Variants in FBL observed in about 807,000 individuals in gnomAD.
The protein encoded by FBL is fibrillarin rRNA 2'-O-methyltransferase, also known as rRNA 2'-O-methyltransferase fibrillarin.
A neutral mutation model predicts 42.2 loss-of-function variants in FBL; 10 were observed. That is an observed-to-expected ratio of 0.24 (90% confidence interval 0.15 to 0.40). The LOEUF is 0.40. Ranked by LOEUF, FBL falls within the 10% of genes least tolerant of loss-of-function variation. FBL has a pLI of 1.00. For missense variants in FBL, 351 were observed against 439.2 expected, an observed-to-expected ratio of 0.80 and a Z score of 1.79; for synonymous variants, 165 against 165.4, an observed-to-expected ratio of 1.00 and a Z score of 0.02.
intron 1 of FBL, among the ~76,000 whole-genome samples, chr19:39,841,002 A>G (rs768309640): frequency 2.0e-5 from 3 of 152,222 alleles, no homozygotes; most frequent in Non-Finnish European, 4.4e-5. Flanking sequence ...ATTCACAATC[A>G]AGATCATGAA....
chr19:39,837,979 C>G, intron 5 of FBL, 136 bp from the exon 6 acceptor site: 1 of 631,454 alleles, frequency 1.6e-6, no homozygotes, highest in Non-Finnish European at 2.6e-6. Flanking sequence ...CTATTGCTAT[C>G]ATGTCCATTT....
chr19:39,844,838 G>A (rs1379238689), intron 1 of FBL, among the ~76,000 whole-genome samples: 3 of 152,096 alleles, frequency 2.0e-5, no homozygotes, highest in African/African-American at 7.2e-5. Context: ...TCTCCCAAAG[G>A]GTTCTTTTCT....
chr19:39,846,367 G>C lies in FBL; in HGVS notation c.-67C>G, dbSNP rs1044754917. 1.9e-6 allele frequency: 3 copies of C among 1,598,314 alleles called. No individual in the cohort carries two copies. Among genetic ancestry groups the C allele is most frequent in the African/African-American group, 2.7e-5 (2 of 74,308 alleles). Reference sequence around the variant, plus strand: ...ACAACTCCACGAGTCCGGGGCTTTCGCACGTGGAAAAGAGCGCAGGCGCGC... The same window carrying C: ...ACAACTCCACGAGTCCGGGGCTTTCCCACGTGGAAAAGAGCGCAGGCGCGC... On this transcript the variant is annotated 5_prime_UTR_variant, in exon 1 of 9. Transcript: ENST00000221801.
intron 1 of FBL, among the ~76,000 whole-genome samples, chr19:39,845,296 GT>G (rs369855875): frequency 5.3e-4 from 80 of 152,326 alleles, no homozygotes; most frequent in African/African-American, 1.9e-3. Context: ...TTCTAATGTT[GT>G]TCTCTTTGAG....
At position 39,837,820 on chromosome 19, in the gene FBL, C is replaced by A; in HGVS notation, c.573G>T (p.Glu191Asp). 1 of 1,613,504 alleles carries A rather than the reference C, an allele frequency of 6.2e-7. No individual in the cohort carries two copies. The highest frequency in any genetic ancestry group is 8.5e-7 in the Non-Finnish European group (1 of 1,179,772). ...GGTCACGGCCAGAGCGGTGGGAGAA[C>A]TCGACTGCATAGACTAGACCATCCT... ...VGPDGLVYAV[E>D]FSHRSGRDLI... Residue 191 changes from glutamate (E) to aspartate (D), a missense_variant, in exon 6 of 9, where the codon GAG becomes GAT. Coordinates refer to ENST00000221801, the MANE Select transcript of FBL (RefSeq NM_001436.4).
chr19:39,844,884 C>T (rs965985634), intron 1 of FBL, among the ~76,000 whole-genome samples: 1 of 152,176 alleles, frequency 6.6e-6, no homozygotes, highest in Non-Finnish European at 1.5e-5. Context: ...GAGCTAACAC[C>T]TGACAACTTT....
At chr19:39,835,856 G>T (rs1045387155) in intron 7 of FBL, among the ~76,000 whole-genome samples, 3 of 152,050 alleles carry the variant, frequency 2.0e-5, no homozygotes, top group Non-Finnish European at 4.4e-5. Context: ...AACCTGGGAG[G>T]CAGAGGTTGC....
intron 1 of FBL, among the ~76,000 whole-genome samples, chr19:39,843,397 G>C (rs1046552989): frequency 1.3e-5 from 2 of 152,162 alleles, no homozygotes; most frequent in Non-Finnish European, 2.9e-5. Context: ...GGAGAGATAG[G>C]CAATGTTGCT....
At position 39,840,443 on chromosome 19, in the gene FBL, T is replaced by C. The variant is rs1191835846; in HGVS notation, c.254A>G (p.Asn85Ser). Residue 85 changes from asparagine (N) to serine (S), a missense_variant, in exon 3 of 9, where the codon AAT becomes AGT. Physicochemically the swap from Asn to Ser is conservative, Grantham distance 46. Coordinates refer to ENST00000221801, the MANE Select transcript of FBL (RefSeq NM_001436.4). This position sits in a 1 kb window ranked among gnomAD's most constrained non-coding sequence, Gnocchi z 4.5. The stretch of plus-strand genomic sequence containing the variant: ...ATGCCGATGCGGCTCCACCATCACA[T>C]TCTTCCCCGACTGGTTTCCTCTTTT... ...GGKRGNQSGK[N>S]VMVEPHRHEG... 6.2e-7 allele frequency: 1 copy of C among 1,614,040 alleles called. No individual in the cohort carries two copies. The highest frequency in any genetic ancestry group is 8.5e-7 in the Non-Finnish European group (1 of 1,179,986).
chr19:39,839,859 C>T (rs895964299), intron 4 of FBL, among the ~76,000 whole-genome samples: 2 of 152,118 alleles, frequency 1.3e-5, no homozygotes, highest in African/African-American at 4.8e-5. Flanking sequence ...TGCCTTGACC[C>T]GCAGAGTGGT....
chr19:39,845,004 T>C (rs778852625), intron 1 of FBL, among the ~76,000 whole-genome samples: 27 of 152,104 alleles, frequency 1.8e-4, no homozygotes, highest in Non-Finnish European at 1.2e-4. Context: ...GATCTCAGCA[T>C]ACCTGGCCTA....
At chr19:39,844,741 CT>C (rs1203543326) in intron 1 of FBL, among the ~76,000 whole-genome samples, 4 of 152,226 alleles carry the variant, frequency 2.6e-5, no homozygotes, top group Non-Finnish European at 4.4e-5. Context: ...CCTGCTTCCA[CT>C]TTTGCCACCC....
chr19:39,835,668 G>A (rs1160336135), intron 7 of FBL, among the ~76,000 whole-genome samples: 2 of 152,192 alleles, frequency 1.3e-5, no homozygotes, highest in Non-Finnish European at 1.5e-5. Flanking sequence ...GCTCGTGCCT[G>A]TAATCCTAGC....
rs548262280 is a variant in FBL, at chr19:39,834,482, AAC to A, written c.*54_*55del. The A allele has an allele frequency of 6.3e-4, 1,015 of 1,603,860 alleles. 22 individuals are homozygous for A. The South Asian group carries it at 0.011, about 17-fold the overall frequency. On this transcript the variant is annotated 3_prime_UTR_variant, in exon 9 of 9. Transcript: ENST00000221801. Reference sequence around the variant, plus strand: ...AGACGGATGAGTCTTTTAATAGAAAAACACACGTGCAACAGTATCAACACACA... The same window carrying A: ...AGACGGATGAGTCTTTTAATAGAAAAACACGTGCAACAGTATCAACACACA...
In FBL at chr19:39,840,908, C is replaced by G; in HGVS notation, c.11-121G>C. The G allele has an allele frequency of 4.2e-6, 4 of 941,380 alleles. No homozygotes were observed. The highest frequency in any genetic ancestry group is 6.0e-6 in the Non-Finnish European group (4 of 664,994). The allele number at this position is 941,380 out of a possible 1,614,324, so 58.3% of individuals were successfully genotyped here. A position where few individuals can be genotyped will look rare whatever the true frequency, so the allele number is the denominator to read the frequency against. The stretch of plus-strand genomic sequence containing the variant: ...ACATGTGCCCGTGTACAGCAGGACA[C>G]ATTTCCAAGAATGTCCACAGCAAAA... On this transcript the variant is annotated intron_variant, in intron 1 of 8. Coordinates refer to ENST00000221801, the MANE Select transcript of FBL (RefSeq NM_001436.4). This position sits in a 1 kb window ranked among gnomAD's most constrained non-coding sequence, Gnocchi z 4.5.
Position 39,839,215 on chromosome 19 carries a change from AG to A in FBL, c.379-11del, listed in dbSNP as rs1448299614. On this transcript the variant is annotated splice_polypyrimidine_tract_variant and intron_variant, in intron 4 of 8. Coordinates refer to ENST00000221801, the MANE Select transcript of FBL (RefSeq NM_001436.4). ...TTTTGTCATCTCCTTCCTAGATGAG[AG>A]ATGGGGACAGAAGTCAGTGCTAGGC... is the stretch of plus-strand genomic sequence containing the variant. 6.2e-7 allele frequency: 1 copy of A among 1,604,432 alleles called. No individual in the cohort carries two copies. Among genetic ancestry groups the A allele is most frequent in the Admixed American group, 1.7e-5 (1 of 59,192 alleles).
chr19:39,841,189 G>C (rs911156590), intron 1 of FBL, among the ~76,000 whole-genome samples: 1 of 151,918 alleles, frequency 6.6e-6, no homozygotes, highest in Admixed American at 6.6e-5. Flanking sequence ...CTCCTGCCTC[G>C]GTCTCTGAAG....
chr19:39,839,290 C>T, intron 4 of FBL, 85 bp from the exon 5 acceptor site: 1 of 1,097,524 alleles, frequency 9.1e-7, no homozygotes, highest in Non-Finnish European at 1.3e-6. Flanking sequence ...TTGAAAGGAA[C>T]TGGGCTGTCC....
rs1363300193 is a variant in FBL, at chr19:39,838,327, C to T, written c.550-484G>A. Reference sequence around the variant, plus strand: ...CCAGGATGGAGTGCAGTTGTGCGATCTCAGCTTAGTGCAACGTCCGCCTCC... The same window carrying T: ...CCAGGATGGAGTGCAGTTGTGCGATTTCAGCTTAGTGCAACGTCCGCCTCC... On this transcript the variant is annotated intron_variant, in intron 5 of 8. Transcript: ENST00000221801. 3.6e-5 allele frequency: 5 copies of T among 139,164 alleles called. No homozygotes were observed. The East Asian group carries it at 1.1e-3, about 31-fold the overall frequency. 8.6% of individuals were successfully genotyped at this position (139,164 alleles called of 1,614,324 possible).
Sources: gnomAD v4.1 joint callset for allele counts (sites outside exome capture counted in the v4.1 genomes callset) on GRCh38, gnomAD v4.1.1 for gene constraint, Gnocchi (gnomAD v3.1) non-coding constraint, MANE v1.5 for transcripts, NCBI Gene and HGNC (gene_info 2026-07-23, HGNC 2026-07-21) for gene names.